Variants in HS2ST1 observed in about 807,000 individuals in gnomAD.
The protein encoded by HS2ST1 is heparan sulfate 2-O-sulfotransferase 1.
In HS2ST1, 18 loss-of-function variants were observed where a neutral mutation model predicts 42.9. The observed-to-expected ratio is 0.42, with a 90% CI of 0.29 to 0.62. The LOEUF (loss-of-function observed/expected upper bound fraction) is 0.62. HS2ST1 is among the 20% of genes least tolerant of loss of function. The pLI is 0.21. For missense variants in HS2ST1, 334 were observed against 433.8 expected (o/e 0.77, Z 2.04); for synonymous variants, 146 against 152.9 (o/e 0.95, Z 0.33).
intron 1 of HS2ST1, among the ~76,000 whole-genome samples, chr1:86,943,657 G>A (rs1199730): frequency 0.24 from 36,241 of 151,398 alleles, 5,095 homozygotes; most frequent in African/African-American, 0.38. Flanking sequence ...GAGATTGAGA[G>A]TACAGTGAGC....
intron 1 of HS2ST1, among the ~76,000 whole-genome samples, chr1:87,034,679 A>G (rs752328017): frequency 1.9e-4 from 29 of 152,332 alleles, no homozygotes; most frequent in Non-Finnish European, 3.8e-4. Flanking sequence ...AAGTATATGT[A>G]CGAAGCTTTC....
intron 1 of HS2ST1, among the ~76,000 whole-genome samples, chr1:87,030,688 A>G (rs1650213477): frequency 6.6e-6 from 1 of 152,182 alleles, no homozygotes; most frequent in African/African-American, 2.4e-5. Flanking sequence ...TTAATCCTTC[A>G]GTTAATCTAA....
At chr1:86,947,562 C>A (rs1021492251) in intron 1 of HS2ST1, among the ~76,000 whole-genome samples, 1 of 151,048 alleles carries the variant, frequency 6.6e-6, no homozygotes, top group Non-Finnish European at 1.5e-5. Context: ...AATGGACATA[C>A]CCTGTTCCTT....
chr1:87,096,941 A>G (rs555831818), intron 4 of HS2ST1, among the ~76,000 whole-genome samples: 4 of 152,372 alleles, frequency 2.6e-5, no homozygotes, highest in African/African-American at 9.6e-5. Context: ...TCTGGCACAA[A>G]TGATAATAAA....
intron 1 of HS2ST1, among the ~76,000 whole-genome samples, chr1:87,024,373 C>T (rs1244244093): frequency 2.6e-5 from 4 of 152,002 alleles, no homozygotes; most frequent in Admixed American, 6.6e-5. Context: ...TGGTGGTGCA[C>T]GACTGTAATC....
At chr1:87,085,381 A>G (rs909772719) in intron 3 of HS2ST1, among the ~76,000 whole-genome samples, 1 of 152,198 alleles carries the variant, frequency 6.6e-6, no homozygotes, top group African/African-American at 2.4e-5. Context: ...AGTAGAATGA[A>G]GTATTACTGA....
At chr1:86,935,608 G>A (rs1313403391) in intron 1 of HS2ST1, among the ~76,000 whole-genome samples, 1 of 151,538 alleles carries the variant, frequency 6.6e-6, no homozygotes. Flanking sequence ...GATTCCAGGC[G>A]TGCACCACCA....
intron 4 of HS2ST1, among the ~76,000 whole-genome samples, chr1:87,093,821 C>CAA (rs1324378273): frequency 1.3e-5 from 2 of 149,924 alleles, no homozygotes; most frequent in African/African-American, 5.1e-5. Flanking sequence ...GTTAGTTATA[C>CAA]CCTCTGTGTC....
At chr1:87,015,306 A>G (rs1207886335) in intron 1 of HS2ST1, among the ~76,000 whole-genome samples, 1 of 151,060 alleles carries the variant, frequency 6.6e-6, no homozygotes, top group Admixed American at 6.6e-5. Context: ...TTGGCCTCCC[A>G]AAGTGCTGGG....
At chr1:87,026,851 A>G (rs928505426) in intron 1 of HS2ST1, among the ~76,000 whole-genome samples, 16 of 152,120 alleles carry the variant, frequency 1.1e-4, no homozygotes, top group Non-Finnish European at 2.9e-5. Flanking sequence ...ATGGGAAGAA[A>G]AAAAAACTTG....
chr1:86,926,266 A>G (rs1306459001), intron 1 of HS2ST1, among the ~76,000 whole-genome samples: 2 of 152,160 alleles, frequency 1.3e-5, no homozygotes, highest in Non-Finnish European at 2.9e-5. Context: ...TTTTGGCCTC[A>G]GTTTCTTAAC....
intron 1 of HS2ST1, among the ~76,000 whole-genome samples, chr1:87,071,416 A>G (rs563445223): frequency 6.6e-6 from 1 of 152,324 alleles, no homozygotes; most frequent in East Asian, 1.9e-4. Context: ...GACATGTAGT[A>G]TAAGATAGAT....
intron 1 of HS2ST1, among the ~76,000 whole-genome samples, chr1:86,989,713 C>T (rs1214947701): frequency 6.6e-6 from 1 of 152,174 alleles, no homozygotes; most frequent in Non-Finnish European, 1.5e-5. Flanking sequence ...AATGCTATCC[C>T]TTGCCTAGCC....
chr1:86,994,214 A>T (rs1285639320), intron 1 of HS2ST1, among the ~76,000 whole-genome samples: 2 of 152,214 alleles, frequency 1.3e-5, no homozygotes, highest in African/African-American at 4.8e-5. Context: ...TAATCATTTC[A>T]TCATTATATA....
chr1:87,052,860 A>T (rs1450313714), intron 1 of HS2ST1, among the ~76,000 whole-genome samples: 1 of 152,232 alleles, frequency 6.6e-6, no homozygotes, highest in Non-Finnish European at 1.5e-5. Flanking sequence ...GCCAACAGAA[A>T]TGCCCTCTAG....
intron 1 of HS2ST1, among the ~76,000 whole-genome samples, chr1:86,929,542 C>T (rs975611408): frequency 1.3e-5 from 2 of 151,728 alleles, no homozygotes; most frequent in African/African-American, 4.8e-5. Flanking sequence ...TTCACTCTTT[C>T]CTATTAATAC....
At chr1:87,007,858 A>G (rs75789048) in intron 1 of HS2ST1, among the ~76,000 whole-genome samples, 4,947 of 152,210 alleles carry the variant, frequency 0.033, 132 homozygotes, top group Non-Finnish European at 0.049. Context: ...ATTCCTGTGC[A>G]TCTATTTTTA....
chr1:87,045,820 A>G (rs1346469023), intron 1 of HS2ST1: 1 of 775,480 alleles, frequency 1.3e-6, no homozygotes, highest in East Asian at 2.7e-5. Context: ...TCCTTATCCC[A>G]TGTGAGCTCA....
At chr1:86,959,163 A>G (rs1647755627) in intron 1 of HS2ST1, among the ~76,000 whole-genome samples, 1 of 152,356 alleles carries the variant, frequency 6.6e-6, no homozygotes, top group East Asian at 1.9e-4. Context: ...ATCCTTTTCT[A>G]TTATGATTAG....
Sources: allele counts gnomAD v4.1 joint callset (sites outside exome capture counted in the v4.1 genomes callset), GRCh38; gene constraint gnomAD v4.1.1; transcripts MANE v1.5; gene names NCBI Gene and HGNC (gene_info 2026-07-23, HGNC 2026-07-21).